Variants in SPTAN1 observed in about 807,000 individuals in gnomAD.
SPTAN1 encodes the protein spectrin alpha, non-erythrocytic 1.
A neutral mutation model predicts 331.3 loss-of-function variants in SPTAN1; 61 were observed. The ratio of observed to expected loss-of-function variants is 0.18; its 90% CI spans 0.15 to 0.23. The LOEUF is 0.23. SPTAN1 is among the 10% of genes least tolerant of loss of function. SPTAN1 has a pLI of 1.00. For missense variants in SPTAN1, 2,043 were observed against 3,147.9 expected, an observed-to-expected ratio of 0.65 and a Z score of 8.40; for synonymous variants, 1,153 against 1,173.9, an observed-to-expected ratio of 0.98 and a Z score of 0.36.
intron 23 of SPTAN1, 21 bp downstream of exon 23, chr9:128,593,063 G>A: frequency 1.2e-6 from 2 of 1,604,024 alleles, no homozygotes; most frequent in South Asian, 1.1e-5. Context: ...TGAGAGTCTT[G>A]CAGAGCACCA....
intron 25 of SPTAN1, 167 bp from the exon 26 acceptor site, chr9:128,598,796 A>G (rs1231001503): frequency 1.5e-6 from 1 of 689,056 alleles, no homozygotes; most frequent in African/African-American, 1.8e-5. Flanking sequence ...TTCCTCAAAG[A>G]AAAAGTTTAT....
Position 128,633,553 on chromosome 9 carries a change from A to G in SPTAN1, c.*219A>G, listed in dbSNP as rs1283015297. The G allele has an allele frequency of 9.4e-7, 1 of 1,061,316 alleles. No individual in the cohort carries two copies. The highest frequency in any genetic ancestry group is 1.6e-5 in the African/African-American group (1 of 63,654). The allele number at this position is 1,061,316 out of a possible 1,614,324, so 65.7% of individuals were successfully genotyped here. Reference sequence around the variant, plus strand: ...TCTGTGTCTTGAAGCAGCTGCCCTCATTCCGACTTCAGAAAATCGAAGCAG... The same window carrying G: ...TCTGTGTCTTGAAGCAGCTGCCCTCGTTCCGACTTCAGAAAATCGAAGCAG... On this transcript the variant is annotated 3_prime_UTR_variant, in exon 57 of 57. Coordinates refer to ENST00000372739, the MANE Select transcript of SPTAN1 (RefSeq NM_001130438.3).
chr9:128,571,596 AAAAAT>A (rs2130912260), intron 3 of SPTAN1, among the ~76,000 whole-genome samples: 1 of 152,190 alleles, frequency 6.6e-6, no homozygotes, highest in African/African-American at 2.4e-5. Context: ...AAAAAAGTAA[AAAAAT>A]AAAATAAAAT....
intron 3 of SPTAN1, 101 bp from the exon 4 acceptor site, chr9:128,574,574 C>A: frequency 1.5e-6 from 2 of 1,342,656 alleles, no homozygotes; most frequent in Non-Finnish European, 1.1e-6. Flanking sequence ...TATTTTTATT[C>A]AGCGCTCCAT....
At position 128,577,689 on chromosome 9, in the gene SPTAN1, C is replaced by T. The variant is rs1851464873; in HGVS notation, c.1085+183C>T. Among the ~76,000 whole-genome samples, 1 of 152,158 alleles carries T rather than the reference C, an allele frequency of 6.6e-6. No homozygotes were observed. Among genetic ancestry groups the T allele is most frequent in the Non-Finnish European group, 1.5e-5 (1 of 68,024 alleles). ...TGGCAACTGTATCATGTGTAGTATA[C>T]GTATGGTATTTACAACTTCATAAAT... On this transcript the variant is annotated intron_variant, in intron 8 of 56. Transcript: ENST00000372739. The surrounding 1 kb of genome is among the most constrained non-coding windows in gnomAD (Gnocchi z 4.2).
At chr9:128,587,761 C>A in intron 20 of SPTAN1, 63 bp downstream of exon 20, 1 of 1,404,010 alleles carries the variant, frequency 7.1e-7, no homozygotes, top group Non-Finnish European at 1.0e-6. Context: ...ATACTGTCAG[C>A]AGGTGTTCCT....
chr9:128,590,765 C>T (rs1195787693), intron 21 of SPTAN1, among the ~76,000 whole-genome samples: 2 of 151,848 alleles, frequency 1.3e-5, no homozygotes, highest in Non-Finnish European at 2.9e-5. Context: ...GCAGGGGAAT[C>T]ACTTAAACCC....
In SPTAN1 at chr9:128,608,120, C is replaced by T. The variant is rs996303937; in HGVS notation, c.4345-10C>T. 2.5e-6 allele frequency: 4 copies of T among 1,614,180 alleles called. No individual in the cohort carries two copies. In the Admixed American group the frequency reaches 5.0e-5, roughly 20 times the overall value. On this transcript the variant is annotated splice_polypyrimidine_tract_variant and intron_variant, in intron 33 of 56. Transcript: ENST00000372739. ...GCCTCATTTTCTCACCTGCCTCTTG[C>T]CCTCTTTAGCTGTTCCATCGGGACT...
chr9:128,622,737 G>GTTTATTTATTTA (rs111521146), intron 45 of SPTAN1, among the ~76,000 whole-genome samples: 82 of 151,398 alleles, frequency 5.4e-4, no homozygotes, highest in African/African-American at 1.9e-3. Flanking sequence ...TTGTAGTATG[G>GTTTATTTATTTA]TTTATTTATT....
At chr9:128,632,365 G>A in intron 53 of SPTAN1, 42 bp downstream of exon 53, 2 of 1,613,592 alleles carry the variant, frequency 1.2e-6, no homozygotes, top group African/African-American at 1.3e-5. Flanking sequence ...CCAGAGCAGG[G>A]GGAGGAAAAG....
rs148669182 is a variant in SPTAN1, at chr9:128,562,780, C to A, written c.-3-3958C>A. Among the ~76,000 whole-genome samples the A allele has an allele frequency of 2.0e-4, 30 of 151,664 alleles. No homozygotes were observed. In the East Asian group the frequency reaches 5.8e-3, roughly 29 times the overall value. ...GAGATCGAGACCATCCTGGCTAGCA[C>A]GGTGAAACGCCATCTCTACTAAAAA... On this transcript the variant is annotated intron_variant, in intron 1 of 56. Coordinates refer to ENST00000372739, the MANE Select transcript of SPTAN1 (RefSeq NM_001130438.3).
At position 128,625,245 on chromosome 9, in the gene SPTAN1, T is replaced by C; in HGVS notation, c.6069+66T>C. ...AGCATCTGTGAGATGACTGGTGGCG[T>C]CTTTCACTGAGGCATTTATCTTCTG... On this transcript the variant is annotated intron_variant, in intron 47 of 56. Coordinates refer to ENST00000372739, the MANE Select transcript of SPTAN1 (RefSeq NM_001130438.3). This position sits in a 1 kb window ranked among gnomAD's most constrained non-coding sequence, Gnocchi z 4.1. 2 of 1,503,974 alleles carry C rather than the reference T, an allele frequency of 1.3e-6. No homozygotes were observed. Among genetic ancestry groups the C allele is most frequent in the East Asian group, 4.5e-5 (2 of 44,308 alleles). 93.2% of individuals were successfully genotyped at this position (1,503,974 alleles called of 1,614,324 possible). A position where few individuals can be genotyped will look rare whatever the true frequency, so the allele number is the denominator to read the frequency against.
Position 128,625,313 on chromosome 9 carries a change from C to A in SPTAN1, c.6069+134C>A. Reference sequence around the variant, plus strand: ...GCAGGAAAAAGATCCTGTCCTGGTCCTCAGGGAGCTTCCAGACTAACTGGG... The same window carrying A: ...GCAGGAAAAAGATCCTGTCCTGGTCATCAGGGAGCTTCCAGACTAACTGGG... On this transcript the variant is annotated intron_variant, in intron 47 of 56. Transcript: ENST00000372739. The surrounding 1 kb of genome is among the most constrained non-coding windows in gnomAD (Gnocchi z 4.1). The A allele has an allele frequency of 1.1e-6, 1 of 907,436 alleles. No individual in the cohort carries two copies. Among genetic ancestry groups the A allele is most frequent in the Non-Finnish European group, 1.8e-6 (1 of 568,296 alleles). 56.2% of individuals were successfully genotyped at this position (907,436 alleles called of 1,614,324 possible).
rs7024498 is a variant in SPTAN1 at position 128,611,886 on chromosome 9, C to G, written c.4905+41C>G. Reference sequence around the variant, plus strand: ...TCCCGGTGCCCAGGGAGGAAGATGACCACCGTCACTGTCAACCTGATATAA... The same window carrying G: ...TCCCGGTGCCCAGGGAGGAAGATGAGCACCGTCACTGTCAACCTGATATAA... On this transcript the variant is annotated intron_variant, in intron 38 of 56. Coordinates refer to ENST00000372739, the MANE Select transcript of SPTAN1 (RefSeq NM_001130438.3). The G allele has an allele frequency of 0.99, 1,605,265 of 1,613,992 alleles. 798,689 individuals carry two copies. Among genetic ancestry groups the G allele is most frequent in the East Asian group, 1 (44,868 of 44,868 alleles).
chr9:128,601,694 G>A (rs1249907804), intron 27 of SPTAN1, among the ~76,000 whole-genome samples: 2 of 152,146 alleles, frequency 1.3e-5, no homozygotes, highest in Non-Finnish European at 2.9e-5. Context: ...CCAGAAATAT[G>A]AAGAAAGCAT....
At position 128,603,534 on chromosome 9, in the gene SPTAN1, C is replaced by T; in HGVS notation, c.3580-9C>T. 6.2e-7 allele frequency: 1 copy of T among 1,614,118 alleles called. No individual in the cohort carries two copies. The highest frequency in any genetic ancestry group is 8.5e-7 in the Non-Finnish European group (1 of 1,180,026). On this transcript the variant is annotated splice_polypyrimidine_tract_variant and intron_variant, in intron 27 of 56. Coordinates refer to ENST00000372739, the MANE Select transcript of SPTAN1 (RefSeq NM_001130438.3). ...ATTAGTTTTGCCTTCTGCTTTCCTCCCTACCTAGTCTGCTCGTCTGATGGT... is the reference window on the plus strand; with the variant it reads ...ATTAGTTTTGCCTTCTGCTTTCCTCTCTACCTAGTCTGCTCGTCTGATGGT...
In SPTAN1 at chr9:128,633,410, T is replaced by C; in HGVS notation, c.*76T>C. 6.2e-7 allele frequency: 1 copy of C among 1,606,056 alleles called. No homozygotes were observed. The highest frequency in any genetic ancestry group is 1.3e-5 in the African/African-American group (1 of 74,976). On this transcript the variant is annotated 3_prime_UTR_variant, in exon 57 of 57. Transcript: ENST00000372739. Reference sequence around the variant, plus strand: ...TGCATGTCCGCTCCTCTGTGTGCTCTCACTTTCCACTGTAACCTTAAGCCT... The same window carrying C: ...TGCATGTCCGCTCCTCTGTGTGCTCCCACTTTCCACTGTAACCTTAAGCCT...
chr9:128,612,910 G>C (rs1183557712), intron 39 of SPTAN1, among the ~76,000 whole-genome samples: 1 of 151,660 alleles, frequency 6.6e-6, no homozygotes, highest in Non-Finnish European at 1.5e-5. Flanking sequence ...GGGCAACAGA[G>C]CGAGACTTCA....
rs745454196 is a variant in SPTAN1, at chr9:128,582,565, G to A, written c.1650+9G>A. On this transcript the variant is annotated intron_variant, in intron 13 of 56. Transcript: ENST00000372739. Reference sequence around the variant, plus strand: ...CCACTCGCCGAGATGCTGTAAGTTTGTAGGTTCTTCATGCTCCTCCTTTTT... The same window carrying A: ...CCACTCGCCGAGATGCTGTAAGTTTATAGGTTCTTCATGCTCCTCCTTTTT... The A allele has an allele frequency of 4.3e-6, 7 of 1,613,410 alleles. No homozygotes were observed. The highest frequency in any genetic ancestry group is 5.9e-6 in the Non-Finnish European group (7 of 1,180,014).
Sources: gnomAD v4.1 joint callset for allele counts (sites outside exome capture counted in the v4.1 genomes callset) on GRCh38, gnomAD v4.1.1 for gene constraint, Gnocchi (gnomAD v3.1) non-coding constraint, MANE v1.5 for transcripts, NCBI Gene and HGNC (gene_info 2026-07-23, HGNC 2026-07-21) for gene names.